The following HPSE2 variants were observed in gnomAD, a reference collection of about 807,000 sequenced individuals.
The protein encoded by HPSE2 is heparanase 2 (inactive), also known as inactive heparanase-2.
In HPSE2, 38 loss-of-function variants were observed where a neutral mutation model predicts 60.5. That is an observed-to-expected ratio of 0.63 (90% confidence interval 0.48 to 0.82). HPSE2 has a LOEUF of 0.82. Among genes scored for constraint, HPSE2 ranks in the 40% least tolerant of loss-of-function variants. The pLI is 0.00. For synonymous variants in HPSE2, 295 were observed against 293.2 expected (o/e 1.01, Z -0.06); for missense variants, 713 against 740.4 (o/e 0.96, Z 0.43).
intron 3 of HPSE2, among the ~76,000 whole-genome samples, chr10:98,846,672 CAAAT>C (rs1283568338): frequency 1.3e-5 from 2 of 152,288 alleles, no homozygotes; most frequent in South Asian, 2.1e-4. Flanking sequence ...TTTAAACAAA[CAAAT>C]AAACAAATGC....
intron 3 of HPSE2, among the ~76,000 whole-genome samples, chr10:99,023,264 T>C (rs1159914816): frequency 1.3e-5 from 2 of 151,956 alleles, no homozygotes; most frequent in African/African-American, 4.8e-5. Flanking sequence ...TCCTCTGTCT[T>C]TGGAAATGGG....
chr10:99,080,887 G>C (rs1212475272), intron 3 of HPSE2, among the ~76,000 whole-genome samples: 1 of 152,116 alleles, frequency 6.6e-6, no homozygotes. Flanking sequence ...AGTTTATTTG[G>C]AATAAGTACC....
At chr10:98,954,968 AT>A (rs1179335615) in intron 3 of HPSE2, among the ~76,000 whole-genome samples, 1 of 85,796 alleles carries the variant, frequency 1.2e-5, no homozygotes, top group Non-Finnish European at 2.6e-5. Context: ...TTATATATAT[AT>A]ATACATATTT....
chr10:99,302,503 T>C, the HPSE2 span, among the ~76,000 whole-genome samples: 1 of 152,116 alleles, frequency 6.6e-6, no homozygotes, highest in Non-Finnish European at 1.5e-5. Flanking sequence ...ACACCAGTAT[T>C]ACAGGCCACT....
At chr10:98,467,246 G>A (rs1259033698) in intron 11 of HPSE2, among the ~76,000 whole-genome samples, 1 of 152,140 alleles carries the variant, frequency 6.6e-6, no homozygotes, top group African/African-American at 2.4e-5. Flanking sequence ...CCACTAGATT[G>A]GAAGCCCATG....
At chr10:99,291,990 TCC>T in the HPSE2 span, among the ~76,000 whole-genome samples, 1 of 152,062 alleles carries the variant, frequency 6.6e-6, no homozygotes, top group Non-Finnish European at 1.5e-5. Flanking sequence ...TTTGGCAAGC[TCC>T]ATTCCCCTCC....
chr10:98,461,751 T>A, intron 11 of HPSE2: 1 of 1,567,248 alleles, frequency 6.4e-7, no homozygotes, highest in Non-Finnish European at 8.7e-7. Flanking sequence ...GGTGCAAACC[T>A]TTCTTCTGAA....
chr10:98,531,362 C>T (rs112433263), intron 9 of HPSE2, among the ~76,000 whole-genome samples: 1,895 of 152,242 alleles, frequency 0.012, 38 homozygotes, highest in African/African-American at 0.043. Context: ...TACCCCTTTC[C>T]GATGGGAAAA....
chr10:99,143,854 G>A (rs1845953554), intron 3 of HPSE2, among the ~76,000 whole-genome samples: 1 of 151,916 alleles, frequency 6.6e-6, no homozygotes, highest in Non-Finnish European at 1.5e-5. Flanking sequence ...TCTGCCTGAA[G>A]ACCATTATCT....
intron 3 of HPSE2, among the ~76,000 whole-genome samples, chr10:98,957,078 T>C (rs1441823966): frequency 6.6e-6 from 1 of 152,226 alleles, no homozygotes; most frequent in Non-Finnish European, 1.5e-5. Flanking sequence ...CATACCAACA[T>C]GTTCTGCAGC....
chr10:98,817,257 C>A (rs7894044), intron 3 of HPSE2, among the ~76,000 whole-genome samples: 7,872 of 152,186 alleles, frequency 0.052, 447 homozygotes, highest in East Asian at 0.17. Flanking sequence ...CTAAACCTTG[C>A]AGTGATTGTC....
rs374885771 is a variant in HPSE2 at position 98,721,809 on chromosome 10, G to A, written c.804C>T (p.Thr268=). 18 of 1,613,374 alleles carry A rather than the reference G, an allele frequency of 1.1e-5. No homozygotes were observed. Among genetic ancestry groups the A allele is most frequent in the African/African-American group, 9.3e-5 (7 of 74,876 alleles). The change falls in exon 5 of 12, where the codon ACC becomes ACT. Residue 268 remains threonine, a synonymous_variant. Transcript: ENST00000370552. The part of the protein sequence containing the change: ...ELGNEPNNYR[T]MHGRAVNGSQ... ...TGCCATTTACTGCCCGGCCATGCATGGTCCGATAGTTATTTGGCTCTAGAT... is the reference window on the plus strand; with the variant it reads ...TGCCATTTACTGCCCGGCCATGCATAGTCCGATAGTTATTTGGCTCTAGAT...
intron 9 of HPSE2, among the ~76,000 whole-genome samples, chr10:98,563,037 A>G (rs1045989526): frequency 2.0e-5 from 3 of 152,228 alleles, no homozygotes; most frequent in Non-Finnish European, 4.4e-5. Flanking sequence ...TCAAAAGGTT[A>G]CACACAGAGT....
chr10:99,127,558 T>C (rs1845210711), intron 3 of HPSE2, among the ~76,000 whole-genome samples: 2 of 152,182 alleles, frequency 1.3e-5, no homozygotes, highest in Admixed American at 1.3e-4. Flanking sequence ...ATCTAAAAGT[T>C]TGGAAAACTT....
At chr10:99,139,853 G>C (rs1415616231) in intron 3 of HPSE2, among the ~76,000 whole-genome samples, 1 of 152,034 alleles carries the variant, frequency 6.6e-6, no homozygotes, top group Admixed American at 6.6e-5. Flanking sequence ...AACCCAGGTG[G>C]GTGTGACTGA....
At chr10:98,580,884 A>T (rs962234535) in intron 9 of HPSE2, among the ~76,000 whole-genome samples, 4 of 145,562 alleles carry the variant, frequency 2.7e-5, no homozygotes, top group Admixed American at 6.9e-5. Context: ...ATATATATAA[A>T]ATATATATAT....
At chr10:98,569,635 C>G (rs564009122) in intron 9 of HPSE2, among the ~76,000 whole-genome samples, 15 of 152,112 alleles carry the variant, frequency 9.9e-5, no homozygotes, top group Non-Finnish European at 2.1e-4. Flanking sequence ...TCCCATGAAG[C>G]CTTTCTTGGT....
chr10:98,634,667 T>A (rs1199564865), intron 7 of HPSE2, among the ~76,000 whole-genome samples: 3 of 152,244 alleles, frequency 2.0e-5, no homozygotes, highest in Non-Finnish European at 4.4e-5. Flanking sequence ...CTTACTTCCA[T>A]GGTCCTGCAA....
At chr10:99,032,349 T>C (rs888646210) in intron 3 of HPSE2, among the ~76,000 whole-genome samples, 6 of 152,114 alleles carry the variant, frequency 3.9e-5, no homozygotes, top group Non-Finnish European at 8.8e-5. Flanking sequence ...TATGAGTACA[T>C]GAAAATCAGA....
Sources: allele counts gnomAD v4.1 joint callset (sites outside exome capture counted in the v4.1 genomes callset), GRCh38; gene constraint gnomAD v4.1.1; transcripts MANE v1.5; gene names NCBI Gene and HGNC (gene_info 2026-07-23, HGNC 2026-07-21).